The following DOCK9 variants were observed in gnomAD, a reference collection of about 807,000 sequenced individuals.
DOCK9 encodes the protein dedicator of cytokinesis 9, also known as dedicator of cytokinesis protein 9.
Under a neutral mutation model 263.3 loss-of-function variants are expected in DOCK9, and 89 were observed. That is an observed-to-expected ratio of 0.34 (90% CI 0.28 to 0.40). The LOEUF (loss-of-function observed/expected upper bound fraction) is 0.40, where lower values mean the gene tolerates loss of function less well. Ranked by LOEUF, DOCK9 falls within the 10% of genes least tolerant of loss-of-function variation. The pLI is 1.00. For synonymous variants in DOCK9, 976 were observed against 973.1 expected (o/e 1.00, Z -0.06); for missense variants, 2,140 against 2,603.4 (o/e 0.82, Z 3.87).
intron 45 of DOCK9, among the ~76,000 whole-genome samples, chr13:98,813,407 T>TTTTTAAAA (rs2091507394): frequency 6.6e-6 from 1 of 152,098 alleles, no homozygotes; most frequent in Non-Finnish European, 1.5e-5. Context: ...ATTTCTCATT[T>TTTTTAAAA]TTTTAAAAAA....
chr13:98,999,138 G>A (rs1881705938), intron 1 of DOCK9, among the ~76,000 whole-genome samples: 1 of 152,172 alleles, frequency 6.6e-6, no homozygotes, highest in Non-Finnish European at 1.5e-5. Flanking sequence ...CAGATGTGGG[G>A]AATAAAAGCC....
intron 1 of DOCK9, among the ~76,000 whole-genome samples, chr13:99,083,462 T>C (rs771628195): frequency 1.3e-5 from 2 of 152,176 alleles, no homozygotes; most frequent in Non-Finnish European, 2.9e-5. Context: ...AAGTAACATA[T>C]ACTAGTTATA....
intron 1 of DOCK9, among the ~76,000 whole-genome samples, chr13:99,065,591 T>C (rs1371288947): frequency 2.6e-5 from 4 of 152,102 alleles, no homozygotes; most frequent in Non-Finnish European, 5.9e-5. Flanking sequence ...CATGATTTCC[T>C]TCCTCAAGGC....
Position 98,829,974 on chromosome 13 carries a change from T to C in DOCK9, c.4636-218A>G, listed in dbSNP as rs1468685738. Among the ~76,000 whole-genome samples, 1 of 152,180 alleles carries C rather than the reference T, an allele frequency of 6.6e-6. No individual in the cohort carries two copies. The highest frequency in any genetic ancestry group is 2.4e-5 in the African/African-American group (1 of 41,440). ...TGATTCTGCTATCCTTAAAAAACAC[T>C]GTTTGCAAAGCAAAATGCTGATCAG... On this transcript the variant is annotated intron_variant, in intron 41 of 52. Transcript: ENST00000682017. This position sits in a 1 kb window ranked among gnomAD's most constrained non-coding sequence, Gnocchi z 4.1.
intron 5 of DOCK9, among the ~76,000 whole-genome samples, chr13:98,922,860 T>TA (rs1381709082): frequency 1.6e-4 from 24 of 152,356 alleles, no homozygotes; most frequent in Non-Finnish European, 2.5e-4. Flanking sequence ...TATAGTTCTT[T>TA]AGCCATGAGC....
intron 2 of DOCK9, among the ~76,000 whole-genome samples, chr13:98,943,808 A>G (rs1288329389): frequency 6.6e-6 from 1 of 152,056 alleles, no homozygotes; most frequent in Non-Finnish European, 1.5e-5. Flanking sequence ...TTAGGGGAAA[A>G]AAAGCAGTTT....
At chr13:99,034,798 C>T (rs937275728) in intron 1 of DOCK9, among the ~76,000 whole-genome samples, 2 of 152,136 alleles carry the variant, frequency 1.3e-5, no homozygotes, top group African/African-American at 4.8e-5. Flanking sequence ...TAATAAGGAA[C>T]AGTGAAGGAA....
Position 98,863,440 on chromosome 13 carries a change from C to T in DOCK9, c.3395G>A (p.Arg1132His), listed in dbSNP as rs373604227. 22 of 1,613,832 alleles carry T rather than the reference C, an allele frequency of 1.4e-5. No homozygotes were observed. The highest frequency in any genetic ancestry group is 2.7e-5 in the African/African-American group (2 of 74,896). ...CTTGAGCACACTGATGGCGATCAGA[C>T]GGACCTCCCGGAACTCCTGGAGGGC... ...GTALQEFREV[R>H]LIAISVLKNL... Residue 1132 changes from arginine (R) to histidine (H), a missense_variant, in exon 31 of 53, where the codon CGT (arginine) becomes CAT (histidine). Arg to His is a conservative substitution (Grantham distance 29, BLOSUM62 0). Coordinates refer to ENST00000682017, the MANE Select transcript of DOCK9 (RefSeq NM_001366683.2).
chr13:99,029,838 T>A (rs995667212), intron 1 of DOCK9, among the ~76,000 whole-genome samples: 3 of 152,196 alleles, frequency 2.0e-5, no homozygotes, highest in African/African-American at 7.2e-5. Flanking sequence ...ATACAAATGT[T>A]CACAGCAGCA....
At chr13:98,957,331 C>T (rs1001774235) in intron 1 of DOCK9, among the ~76,000 whole-genome samples, 1 of 152,192 alleles carries the variant, frequency 6.6e-6, no homozygotes, top group African/African-American at 2.4e-5. Flanking sequence ...ACTTGCTTTG[C>T]CTATTGCACA....
At chr13:98,912,114 C>T (rs938763026) in intron 9 of DOCK9, among the ~76,000 whole-genome samples, 2 of 151,978 alleles carry the variant, frequency 1.3e-5, no homozygotes, top group South Asian at 2.1e-4. Context: ...TCAAAAGATC[C>T]GCTCACCTCA....
At chr13:99,021,815 G>T (rs915536208) in intron 1 of DOCK9, among the ~76,000 whole-genome samples, 1 of 152,018 alleles carries the variant, frequency 6.6e-6, no homozygotes, top group Non-Finnish European at 1.5e-5. Context: ...CCTGTCAAGG[G>T]GTGGGGGACA....
Position 98,886,750 on chromosome 13 carries a change from C to T in DOCK9, c.2044-126G>A, listed in dbSNP as rs1350221920. On this transcript the variant is annotated intron_variant, in intron 18 of 52. Coordinates refer to ENST00000682017, the MANE Select transcript of DOCK9 (RefSeq NM_001366683.2). Reference sequence around the variant, plus strand: ...TAGCATCGCCACCTCTGATGGGCCCCAGGCCTGTGAGCCCCGGACTGCTGG... The same window carrying T: ...TAGCATCGCCACCTCTGATGGGCCCTAGGCCTGTGAGCCCCGGACTGCTGG... 14 of 857,944 alleles carry T rather than the reference C, an allele frequency of 1.6e-5. No homozygotes were observed. In the East Asian group the frequency reaches 3.2e-4, roughly 20 times the overall value. 53.1% of individuals were successfully genotyped at this position (857,944 alleles called of 1,614,324 possible).
chr13:99,055,749 T>C lies in DOCK9; in HGVS notation c.129+30474A>G, dbSNP rs146006657. On this transcript the variant is annotated intron_variant, in intron 1 of 32. Transcript: ENST00000427887. ...AGTTGTCAACTGTTCTCTAGGTTCC[T>C]AACAGCTGTGCCTAATAAGCCTGTA... Among the ~76,000 whole-genome samples the C allele has an allele frequency of 7.9e-5, 12 of 152,070 alleles. 1 individual carries two copies. The East Asian group carries it at 2.3e-3, about 29-fold the overall frequency.
chr13:98,809,685 A>T (rs1303382378), intron 46 of DOCK9, among the ~76,000 whole-genome samples: 1 of 152,190 alleles, frequency 6.6e-6, no homozygotes, highest in Non-Finnish European at 1.5e-5. Flanking sequence ...TCCACATTAG[A>T]GTAAGCAAAC....
At chr13:98,805,284 TC>T in intron 48 of DOCK9, 75 bp from the exon 49 acceptor site, 2 of 1,284,664 alleles carry the variant, frequency 1.6e-6, no homozygotes, top group Non-Finnish European at 2.2e-6. Flanking sequence ...CGTGGTATTT[TC>T]CAACATTTTA....
chr13:98,837,445 T>A, intron 39 of DOCK9, 49 bp downstream of exon 39: 1 of 1,310,228 alleles, frequency 7.6e-7, no homozygotes, highest in Admixed American at 1.8e-5. Context: ...CCAAGCAGAA[T>A]GAATGTGAAA....
intron 37 of DOCK9, 77 bp from the exon 38 acceptor site, chr13:98,846,137 G>A: frequency 6.7e-7 from 1 of 1,501,480 alleles, no homozygotes. Flanking sequence ...TGTTAGTGAA[G>A]CCAGAACATG....
chr13:98,884,403 A>G (rs2045351819), intron 21 of DOCK9, among the ~76,000 whole-genome samples: 4 of 152,260 alleles, frequency 2.6e-5, no homozygotes, highest in Admixed American at 2.6e-4. Context: ...ATATGAACTT[A>G]AATTTGGCAT....
Sources: allele counts gnomAD v4.1 joint callset (sites outside exome capture counted in the v4.1 genomes callset), GRCh38; gene constraint gnomAD v4.1.1; non-coding constraint Gnocchi (gnomAD v3.1); transcripts MANE v1.5; gene names NCBI Gene and HGNC (gene_info 2026-07-23, HGNC 2026-07-21).